CDH20: variants seen among roughly 807,000 people sequenced by gnomAD.
CDH20 encodes cadherin 20.
CDH20 carries 29 observed loss-of-function variants against 74.2 expected under a neutral mutation model. The ratio of observed to expected loss-of-function variants is 0.39; its 90% CI spans 0.29 to 0.53. CDH20 has a LOEUF of 0.53. Among genes scored for constraint, CDH20 ranks in the 20% least tolerant of loss-of-function variants. The pLI is 0.69. For missense variants in CDH20, 988 were observed against 1,048.3 expected (o/e 0.94, Z 0.79); for synonymous variants, 469 against 405.4 (o/e 1.16, Z -1.88).
intron 1 of CDH20, among the ~76,000 whole-genome samples, chr18:61,347,418 G>C (rs1158379419): frequency 6.7e-6 from 1 of 148,746 alleles, no homozygotes; most frequent in East Asian, 2.0e-4. Context: ...TACATGGGAG[G>C]CTGAGGCATG....
chr18:61,452,739 C>T (rs1194236975), intron 1 of CDH20, among the ~76,000 whole-genome samples: 1 of 152,110 alleles, frequency 6.6e-6, no homozygotes, highest in Non-Finnish European at 1.5e-5. Context: ...GTATGTTTCC[C>T]TCTTGGCTGT....
intron 1 of CDH20, among the ~76,000 whole-genome samples, chr18:61,367,799 T>C (rs1023329982): frequency 6.6e-6 from 1 of 152,146 alleles, no homozygotes; most frequent in Non-Finnish European, 1.5e-5. Flanking sequence ...TCCAGACTTC[T>C]GGGTGTAGGC....
intron 2 of CDH20, among the ~76,000 whole-genome samples, chr18:61,493,313 G>A (rs983863107): frequency 5.3e-5 from 8 of 151,958 alleles, no homozygotes; most frequent in Admixed American, 3.9e-4. Flanking sequence ...TAACTATGCC[G>A]GTGCTGCCTG....
At position 61,339,465 on chromosome 18, in the gene CDH20, T is replaced by C. The variant is rs541357784; in HGVS notation, c.-153+5638T>C. ...AATAATGACCATTGTACCCCATAGATAATAATTTTTCAACCACCAACTTCC... is the reference window on the plus strand; with the variant it reads ...AATAATGACCATTGTACCCCATAGACAATAATTTTTCAACCACCAACTTCC... On this transcript the variant is annotated intron_variant, in intron 1 of 11. Transcript: ENST00000262717. Among the ~76,000 whole-genome samples the C allele has an allele frequency of 3.9e-5, 6 of 151,910 alleles. No homozygotes were observed. The South Asian group carries it at 1.0e-3, about 26-fold the overall frequency.
At chr18:61,538,844 G>A (rs1369945671) in intron 8 of CDH20, among the ~76,000 whole-genome samples, 180 bp from the exon 9 acceptor site, 13 of 151,806 alleles carry the variant, frequency 8.6e-5, no homozygotes, top group Admixed American at 8.5e-4. Flanking sequence ...ATGTTATCCA[G>A]GATGGTCTCG....
At chr18:61,545,672 G>A (rs1032452924) in intron 10 of CDH20, among the ~76,000 whole-genome samples, 5 of 152,060 alleles carry the variant, frequency 3.3e-5, no homozygotes, top group Non-Finnish European at 5.9e-5. Context: ...AAAACCCCTG[G>A]GGGCACATTT....
intron 1 of CDH20, among the ~76,000 whole-genome samples, chr18:61,456,521 T>C (rs1461665968): frequency 1.3e-5 from 2 of 151,976 alleles, no homozygotes; most frequent in Non-Finnish European, 2.9e-5. Flanking sequence ...GTTAAACAGA[T>C]AATATAATTA....
At chr18:61,405,131 C>T (rs1912288660) in intron 1 of CDH20, 1 of 628,384 alleles carries the variant, frequency 1.6e-6, no homozygotes, top group Admixed American at 1.9e-5. Context: ...GCACATGCTT[C>T]TCACTTTTTA....
In CDH20 at chr18:61,550,158, C is replaced by T. The variant is rs746028089; in HGVS notation, c.1829C>T (p.Ala610Val). ...DGHVMSCSPE[A>V]YMLPVSLSRG... ...CACGTCATGTCCTGCAGCCCAGAGG[C>T]CTACATGCTCCCAGTCAGTTTGAGC... The change falls in exon 11 of 12, where the codon GCC becomes GTC. Residue 610 changes from alanine (A) to valine (V), a missense_variant. By Grantham distance (64) the Ala-to-Val change is moderately conservative. Around this residue, in one of 2 missense-constraint regions of CDH20, gnomAD observed 375 missense variants for 293.1 expected, o/e 1.28. Coordinates refer to ENST00000262717, the MANE Select transcript of CDH20 (RefSeq NM_031891.4). 3 of 1,614,182 alleles carry T rather than the reference C, an allele frequency of 1.9e-6. No homozygotes were observed. The highest frequency in any genetic ancestry group is 1.6e-4 in the Middle Eastern group (1 of 6,062).
intron 1 of CDH20, among the ~76,000 whole-genome samples, chr18:61,406,647 G>T (rs771654043): frequency 1.2e-4 from 19 of 152,234 alleles, no homozygotes; most frequent in Non-Finnish European, 2.4e-4. Flanking sequence ...CTTAGACAGG[G>T]TGGTTGAGAA....
intron 1 of CDH20, among the ~76,000 whole-genome samples, chr18:61,378,339 C>T (rs192872324): frequency 2.0e-5 from 3 of 152,250 alleles, no homozygotes; most frequent in African/African-American, 7.2e-5. Flanking sequence ...ACCCAGAAGA[C>T]TAATGGTGAA....
intron 6 of CDH20, among the ~76,000 whole-genome samples, chr18:61,517,701 G>GTTC (rs1393062939): frequency 4.0e-5 from 6 of 151,430 alleles, no homozygotes; most frequent in Admixed American, 1.3e-4. Context: ...TTTTTTTGTT[G>GTTC]TTGTTGTTGT....
intron 6 of CDH20, among the ~76,000 whole-genome samples, chr18:61,527,369 A>AGATAGATAGATAGATAGAT (rs1555683350): frequency 0.01 from 969 of 92,966 alleles, 4 homozygotes; most frequent in African/African-American, 0.012. Flanking sequence ...ATATTCTAAT[A>AGATAGATAGATAGATAGAT]GATAGATAGA....
chr18:61,550,618 G>A (rs1170964508), intron 11 of CDH20, among the ~76,000 whole-genome samples: 3 of 152,196 alleles, frequency 2.0e-5, no homozygotes, highest in Non-Finnish European at 4.4e-5. Context: ...CTTCATTTAA[G>A]TAGTAGCTAA....
chr18:61,465,651 A>T (rs1909934495), intron 1 of CDH20, among the ~76,000 whole-genome samples: 1 of 152,104 alleles, frequency 6.6e-6, no homozygotes, highest in Admixed American at 6.5e-5. Context: ...AATCAAGTGA[A>T]TTGTAATGGT....
chr18:61,453,488 C>A (rs141750683), intron 1 of CDH20, among the ~76,000 whole-genome samples: 3 of 152,090 alleles, frequency 2.0e-5, no homozygotes, highest in African/African-American at 4.8e-5. Flanking sequence ...ACCATGTTGA[C>A]CAGGCTGGTC....
chr18:61,456,097 C>T (rs1287600211), intron 1 of CDH20, among the ~76,000 whole-genome samples: 1 of 152,180 alleles, frequency 6.6e-6, no homozygotes. Flanking sequence ...TTGGGGTGGC[C>T]CCATTCCACA....
At chr18:61,430,254 CT>C (rs1182173348) in intron 1 of CDH20, among the ~76,000 whole-genome samples, 13 of 152,066 alleles carry the variant, frequency 8.5e-5, no homozygotes, top group African/African-American at 2.9e-4. Context: ...TATCCCTCTG[CT>C]TTTTTTGGTC....
chr18:61,515,206 G>T (rs534281330), intron 6 of CDH20, among the ~76,000 whole-genome samples: 22 of 152,128 alleles, frequency 1.4e-4, no homozygotes, highest in Non-Finnish European at 2.9e-4. Flanking sequence ...CTCGTGGTGC[G>T]CCATTTTTTA....
Sources: gnomAD v4.1 joint callset for allele counts (sites outside exome capture counted in the v4.1 genomes callset) on GRCh38, gnomAD v4.1.1 for gene constraint, gnomAD v4.1.1 regional missense constraint, MANE v1.5 for transcripts, NCBI Gene and HGNC (gene_info 2026-07-23, HGNC 2026-07-21) for gene names.